ELP2: variants seen among roughly 807,000 people sequenced by gnomAD.
The protein encoded by ELP2 is elongator complex protein 2.
Under a neutral mutation model 119.2 loss-of-function variants are expected in ELP2, and 90 were observed. That is an observed-to-expected ratio of 0.75 (90% CI 0.64 to 0.90). ELP2 has a LOEUF of 0.90. ELP2 is among the 40% of genes least tolerant of loss of function. The pLI is 0.00. For synonymous variants in ELP2, 339 were observed against 331.0 expected, an observed-to-expected ratio of 1.02 and a Z score of -0.26; for missense variants, 921 against 967.8, an observed-to-expected ratio of 0.95 and a Z score of 0.64.
At chr18:36,131,531 A>G (rs1057042866) in intron 1 of ELP2, among the ~76,000 whole-genome samples, 1 of 152,244 alleles carries the variant, frequency 6.6e-6, no homozygotes, top group African/African-American at 2.4e-5. Flanking sequence ...TCAGGGAAGC[A>G]GGAGCCCGGG....
At chr18:36,161,327 A>G (rs2090733076) in intron 17 of ELP2, among the ~76,000 whole-genome samples, 1 of 152,158 alleles carries the variant, frequency 6.6e-6, no homozygotes, top group Admixed American at 6.5e-5. Context: ...CCAGAGGTGG[A>G]AGTTGCAGTG....
intron 21 of ELP2, among the ~76,000 whole-genome samples, chr18:36,172,694 A>T (rs2091117029): frequency 6.6e-6 from 1 of 152,164 alleles, no homozygotes. Context: ...TTGCCTGCCC[A>T]CAGTGCTCCC....
rs1568019353 is a variant in ELP2 at position 36,164,482 on chromosome 18, A to G, written c.1769A>G (p.Lys590Arg). The G allele has an allele frequency of 1.2e-6, 2 of 1,613,992 alleles. No individual in the cohort carries two copies. The highest frequency in any genetic ancestry group is 2.2e-5 in the East Asian group (1 of 44,864). ...TLLASACKAAKKEHAAIILWN... is the reference protein window; with the variant it reads ...TLLASACKAARKEHAAIILWN... ...TTCATCTCTGTCCTATAGGCAGCTA[A>G]GAAAGAGCATGCAGCTATCATTCTT... The change falls in exon 18 of 22, where the codon AAG becomes AGG. Residue 590 changes from lysine (K) to arginine (R), a missense_variant. Physicochemically the swap from Lys to Arg is conservative, Grantham distance 26 (BLOSUM62 2). Transcript: ENST00000358232.
At chr18:36,152,436 TG>T (rs1350151077) in intron 11 of ELP2, among the ~76,000 whole-genome samples, 1 of 152,220 alleles carries the variant, frequency 6.6e-6, no homozygotes, top group African/African-American at 2.4e-5. Context: ...TACCATCACA[TG>T]GGGTGCCCAT....
At chr18:36,135,705 C>T (rs2089799188) in intron 2 of ELP2, among the ~76,000 whole-genome samples, 1 of 152,106 alleles carries the variant, frequency 6.6e-6, no homozygotes, top group African/African-American at 2.4e-5. Flanking sequence ...TACAATGTTT[C>T]ATATAATGTT....
At chr18:36,154,318 T>G (rs1180664815) in intron 11 of ELP2, among the ~76,000 whole-genome samples, 2 of 152,218 alleles carry the variant, frequency 1.3e-5, no homozygotes, top group African/African-American at 4.8e-5. Context: ...CCAACTAGGT[T>G]TGATTCAGTT....
intron 13 of ELP2, among the ~76,000 whole-genome samples, chr18:36,157,247 A>G (rs918608345): frequency 6.6e-6 from 1 of 152,176 alleles, no homozygotes; most frequent in African/African-American, 2.4e-5. Flanking sequence ...TTATGAAGTA[A>G]TTTTGAAAGA....
At chr18:36,145,223 C>A in intron 9 of ELP2, 189 bp downstream of exon 9, 1 of 578,754 alleles carries the variant, frequency 1.7e-6, no homozygotes, top group Non-Finnish European at 3.1e-6. Context: ...CATTGAACTC[C>A]TAAGTGGGAA....
At chr18:36,170,287 C>T (rs2091039465) in intron 20 of ELP2, 91 bp downstream of exon 20, 1 of 1,488,160 alleles carries the variant, frequency 6.7e-7, no homozygotes, top group African/African-American at 1.4e-5. Context: ...ATTCTCCTAG[C>T]CTCTGAGTTA....
At chr18:36,161,434 A>G (rs1325221579) in intron 17 of ELP2, among the ~76,000 whole-genome samples, 1 of 152,138 alleles carries the variant, frequency 6.6e-6, no homozygotes, top group African/African-American at 2.4e-5. Context: ...AAATTTGATG[A>G]ATTTTAAATA....
chr18:36,173,967 T>C (rs913282245), intron 21 of ELP2, among the ~76,000 whole-genome samples: 1 of 152,144 alleles, frequency 6.6e-6, no homozygotes, highest in African/African-American at 2.4e-5. Flanking sequence ...CAGTTAGAGG[T>C]CACACTGGAG....
intron 12 of ELP2, 90 bp downstream of exon 12, chr18:36,155,089 T>C: frequency 8.8e-7 from 1 of 1,133,094 alleles, no homozygotes; most frequent in South Asian, 1.3e-5. Context: ...CTCAGCTCAC[T>C]GCAGCCTCCG....
intron 11 of ELP2, among the ~76,000 whole-genome samples, chr18:36,148,072 T>G (rs1598771531): frequency 3.3e-5 from 5 of 149,408 alleles, no homozygotes; most frequent in Admixed American, 6.7e-5. Flanking sequence ...TCCCCCAGGG[T>G]GGAACCCTCT....
chr18:36,155,055 C>G, intron 12 of ELP2, 56 bp downstream of exon 12: 1 of 1,465,980 alleles, frequency 6.8e-7, no homozygotes, highest in Non-Finnish European at 9.5e-7. Flanking sequence ...TCACATCACC[C>G]AGGCTGAAGT....
In ELP2 at chr18:36,156,671, A is replaced by G; in HGVS notation, c.1464+17A>G. 6.2e-7 allele frequency: 1 copy of G among 1,609,256 alleles called. No homozygotes were observed. The highest frequency in any genetic ancestry group is 8.5e-7 in the Non-Finnish European group (1 of 1,175,758). ...CTCTGTAATGTGAGTATTTCTCTAA[A>G]TATTTTACCTAAATCTAGTCACTTC... On this transcript the variant is annotated intron_variant, in intron 13 of 21. Coordinates refer to ENST00000358232, the MANE Select transcript of ELP2 (RefSeq NM_018255.4).
chr18:36,161,112 T>A (rs2144753134), intron 17 of ELP2, 108 bp downstream of exon 17: 1 of 787,358 alleles, frequency 1.3e-6, no homozygotes, highest in Admixed American at 1.9e-5. Flanking sequence ...AGGCCACTAG[T>A]GCTTGGTTTT....
At chr18:36,150,479 C>T (rs1355734628) in intron 11 of ELP2, among the ~76,000 whole-genome samples, 4 of 152,140 alleles carry the variant, frequency 2.6e-5, no homozygotes, top group Non-Finnish European at 5.9e-5. Flanking sequence ...TTTCAGGTGT[C>T]ATAGGGATAG....
rs74586912 is a variant in ELP2, at chr18:36,139,446, G to A, written c.523+574G>A. ...ACCTGGAAGACTGGCCAGGTGGAAC[G>A]AGGCAGGGCCTGGAAGCCACCAGCC... On this transcript the variant is annotated intron_variant, in intron 5 of 21. Coordinates refer to ENST00000358232, the MANE Select transcript of ELP2 (RefSeq NM_018255.4). 59 of 1,535,524 alleles carry A rather than the reference G, an allele frequency of 3.8e-5. No homozygotes were observed. Among genetic ancestry groups the A allele is most frequent in the Admixed American group, 1.4e-4 (7 of 50,976 alleles).
chr18:36,177,519 G>A lies in ELP2; in HGVS notation c.*2878G>A, dbSNP rs763228488. Reference sequence around the variant, plus strand: ...CTGGGGGAGGAGGAAATGAGGAGTTGTTTAATGGGTATAGTGTTTCAGTTT... The same window carrying A: ...CTGGGGGAGGAGGAAATGAGGAGTTATTTAATGGGTATAGTGTTTCAGTTT... On this transcript the variant is annotated 3_prime_UTR_variant, in exon 22 of 22. Coordinates refer to ENST00000358232, the MANE Select transcript of ELP2 (RefSeq NM_018255.4). The A allele has an allele frequency of 2.0e-5, 3 of 152,200 alleles. No individual in the cohort carries two copies. Among genetic ancestry groups the A allele is most frequent in the Non-Finnish European group, 4.4e-5 (3 of 68,054 alleles). 9.4% of individuals were successfully genotyped at this position (152,200 alleles called of 1,614,324 possible).
Sources: allele counts gnomAD v4.1 joint callset (sites outside exome capture counted in the v4.1 genomes callset), GRCh38; gene constraint gnomAD v4.1.1; transcripts MANE v1.5; gene names NCBI Gene and HGNC (gene_info 2026-07-23, HGNC 2026-07-21).